The following PIK3CB variants were observed in gnomAD, a reference collection of about 807,000 sequenced individuals.
The protein encoded by PIK3CB is phosphatidylinositol-4,5-bisphosphate 3-kinase catalytic subunit beta.
A neutral mutation model predicts 136.8 loss-of-function variants in PIK3CB; 39 were observed. The observed-to-expected ratio is 0.29, with a 90% confidence interval of 0.22 to 0.37. The LOEUF is 0.37. Ranked by LOEUF, PIK3CB falls within the 10% of genes least tolerant of loss-of-function variation. The pLI is 1.00. For synonymous variants in PIK3CB, 428 were observed against 436.6 expected, an observed-to-expected ratio of 0.98 and a Z score of 0.25; for missense variants, 868 against 1,275.4, an observed-to-expected ratio of 0.68 and a Z score of 4.87.
chr3:138,714,243 G>A (rs1027094622), intron 9 of PIK3CB, among the ~76,000 whole-genome samples: 7 of 151,604 alleles, frequency 4.6e-5, no homozygotes, highest in African/African-American at 1.7e-4. Flanking sequence ...GAAAATCCAT[G>A]GTAGAAGGAG....
At chr3:138,831,327 T>A (rs1934029500) in intron 1 of PIK3CB, among the ~76,000 whole-genome samples, 2 of 151,524 alleles carry the variant, frequency 1.3e-5, no homozygotes, top group Admixed American at 6.6e-5. Flanking sequence ...GCGCAGTGGC[T>A]CACGCCTGTA....
At chr3:138,714,023 A>T (rs1382406394) in intron 9 of PIK3CB, among the ~76,000 whole-genome samples, 1 of 152,226 alleles carries the variant, frequency 6.6e-6, no homozygotes, top group Non-Finnish European at 1.5e-5. Flanking sequence ...TGACACATTT[A>T]TGCCCCAGAC....
intron 2 of PIK3CB, among the ~76,000 whole-genome samples, chr3:138,765,038 A>G (rs2045712907): frequency 6.6e-6 from 1 of 152,076 alleles, no homozygotes; most frequent in Non-Finnish European, 1.5e-5. Flanking sequence ...AGAATTTGTA[A>G]GAAGGAGGCC....
chr3:138,794,023 C>T (rs552311427), intron 2 of PIK3CB, among the ~76,000 whole-genome samples: 2 of 152,232 alleles, frequency 1.3e-5, no homozygotes, highest in Non-Finnish European at 2.9e-5. Context: ...AATGCAATGC[C>T]GCGATCTCAG....
At chr3:138,789,546 C>G (rs2046024904) in intron 2 of PIK3CB, among the ~76,000 whole-genome samples, 2 of 152,146 alleles carry the variant, frequency 1.3e-5, no homozygotes, top group Admixed American at 6.5e-5. Flanking sequence ...GAAATGAAAG[C>G]AGGGATTTAC....
chr3:138,665,339 G>A lies in PIK3CB; in HGVS notation c.2505-136C>T, dbSNP rs139841124. Reference sequence around the variant, plus strand: ...TGCCATTACTATATTATTGTCATATGGAAAAACACAAGTTCCACCAAAGGA... The same window carrying A: ...TGCCATTACTATATTATTGTCATATAGAAAAACACAAGTTCCACCAAAGGA... On this transcript the variant is annotated intron_variant, in intron 19 of 23. Coordinates refer to ENST00000674063, the MANE Select transcript of PIK3CB (RefSeq NM_006219.3). The A allele has an allele frequency of 1.4e-4, 76 of 548,002 alleles. No homozygotes were observed. In the African/African-American group the frequency reaches 1.4e-3, roughly 10 times the overall value. 33.9% of individuals were successfully genotyped at this position (548,002 alleles called of 1,614,324 possible).
At chr3:138,705,067 C>T (rs2044334947) in intron 11 of PIK3CB, among the ~76,000 whole-genome samples, 1 of 149,568 alleles carries the variant, frequency 6.7e-6, no homozygotes, top group Non-Finnish European at 1.5e-5. Context: ...CTAAAGGCTG[C>T]TGTCCCTGGC....
chr3:138,716,893 C>CAAA (rs376627250), intron 8 of PIK3CB, among the ~76,000 whole-genome samples: 6 of 11,088 alleles, frequency 5.4e-4, no homozygotes, highest in African/African-American at 9.6e-4. Context: ...GATTGTGTCT[C>CAAA]AAAAAAAAAA....
chr3:138,712,242 T>G lies in PIK3CB; in HGVS notation c.1365A>C (p.Gly455=). ...VFDFKGQLRT[G]DIILHSWSSF... Reference sequence around the variant, plus strand: ...AAGACCAGCTGTGTAATATTATGTCTCCAGTTCTCAATTGTCCTTTAAAGT... The same window carrying G: ...AAGACCAGCTGTGTAATATTATGTCGCCAGTTCTCAATTGTCCTTTAAAGT... Residue 455 remains glycine, a synonymous_variant, in exon 10 of 24, where the codon GGA becomes GGC. Transcript: ENST00000674063. The G allele has an allele frequency of 6.3e-7, 1 of 1,580,308 alleles. No homozygotes were observed. The highest frequency in any genetic ancestry group is 8.6e-7 in the Non-Finnish European group (1 of 1,156,844).
At chr3:138,777,365 G>C (rs748467778) in intron 2 of PIK3CB, among the ~76,000 whole-genome samples, 7 of 152,184 alleles carry the variant, frequency 4.6e-5, no homozygotes, top group Admixed American at 4.6e-4. Context: ...ACACCTGCTT[G>C]TGAGATGCTC....
At chr3:138,817,316 G>A (rs1160653261) in intron 1 of PIK3CB, among the ~76,000 whole-genome samples, 1 of 151,790 alleles carries the variant, frequency 6.6e-6, no homozygotes, top group African/African-American at 2.4e-5. Context: ...TCCAGCCTGG[G>A]CGACAGCGAG....
At chr3:138,724,166 G>T (rs891205490) in intron 8 of PIK3CB, among the ~76,000 whole-genome samples, 1 of 152,132 alleles carries the variant, frequency 6.6e-6, no homozygotes, top group Non-Finnish European at 1.5e-5. Flanking sequence ...GTTATTATTT[G>T]TACTTGTGAT....
intron 1 of PIK3CB, among the ~76,000 whole-genome samples, chr3:138,808,860 T>C (rs13082808): frequency 2.0e-5 from 3 of 151,562 alleles, no homozygotes; most frequent in Non-Finnish European, 4.4e-5. Flanking sequence ...ACATTTTATA[T>C]ATTTAAAAGT....
chr3:138,663,360 C>A (rs1002799928), intron 21 of PIK3CB, among the ~76,000 whole-genome samples: 1 of 152,076 alleles, frequency 6.6e-6, no homozygotes, highest in African/African-American at 2.4e-5. Context: ...GAAGAACAGG[C>A]CACTTTAACT....
intron 2 of PIK3CB, among the ~76,000 whole-genome samples, chr3:138,771,655 A>G (rs966141926): frequency 3.9e-5 from 6 of 152,236 alleles, no homozygotes; most frequent in African/African-American, 1.2e-4. Flanking sequence ...TAATAAAATG[A>G]CATTTAAACT....
At chr3:138,688,335 A>G (rs1474807133) in intron 16 of PIK3CB, among the ~76,000 whole-genome samples, 1 of 151,980 alleles carries the variant, frequency 6.6e-6, no homozygotes, top group Non-Finnish European at 1.5e-5. Context: ...CCCTGTCTCT[A>G]CTAAAAATAC....
At chr3:138,672,927 AAAAG>A (rs2043566129) in intron 19 of PIK3CB, among the ~76,000 whole-genome samples, 3 of 151,032 alleles carry the variant, frequency 2.0e-5, no homozygotes, top group South Asian at 4.2e-4. Flanking sequence ...AAAAAAAAAA[AAAAG>A]AGAGAGAGAG....
chr3:138,770,956 C>T (rs6439819), intron 2 of PIK3CB, among the ~76,000 whole-genome samples: 82,528 of 151,710 alleles, frequency 0.54, 23,583 homozygotes, highest in East Asian at 0.99. Context: ...GTGATCCACC[C>T]GCCTTAGCCT....
chr3:138,690,861 G>A (rs967012608), intron 15 of PIK3CB, 139 bp downstream of exon 15: 23 of 579,832 alleles, frequency 4.0e-5, no homozygotes, highest in Non-Finnish European at 6.3e-5. Context: ...CAAGAAACAG[G>A]AGAAGGCACC....
Sources: gnomAD v4.1 joint callset for allele counts (sites outside exome capture counted in the v4.1 genomes callset) on GRCh38, gnomAD v4.1.1 for gene constraint, MANE v1.5 for transcripts, NCBI Gene and HGNC (gene_info 2026-07-23, HGNC 2026-07-21) for gene names.